Variants in PDE4D observed in about 807,000 individuals in gnomAD.
The protein encoded by PDE4D is phosphodiesterase 4D.
In PDE4D, 24 loss-of-function variants were observed where a neutral mutation model predicts 87.4. That is an observed-to-expected ratio of 0.27 (90% CI 0.20 to 0.39). PDE4D has a LOEUF of 0.39. Among genes scored for constraint, PDE4D ranks in the 10% least tolerant of loss-of-function variants. The pLI is 1.00. For synonymous variants in PDE4D, 384 were observed against 383.2 expected (o/e 1.00, Z -0.02); for missense variants, 714 against 1,041.0 (o/e 0.69, Z 4.32).
At chr5:59,693,236 T>C (rs1450744591) in intron 1 of PDE4D, among the ~76,000 whole-genome samples, 2 of 151,864 alleles carry the variant, frequency 1.3e-5, no homozygotes, top group African/African-American at 4.8e-5. Context: ...CTCTAGTAAT[T>C]CAAGTCCCCT....
intron 1 of PDE4D, among the ~76,000 whole-genome samples, chr5:59,399,152 T>C (rs71626181): frequency 6.7e-5 from 9 of 135,106 alleles, no homozygotes; most frequent in South Asian, 4.9e-4. Flanking sequence ...AATGGCCATA[T>C]TGCCCAAGGT....
At chr5:59,993,272 T>C (rs1165889496) in intron 2 of PDE4D, among the ~76,000 whole-genome samples, 7 of 152,302 alleles carry the variant, frequency 4.6e-5, no homozygotes, top group African/African-American at 9.6e-5. Flanking sequence ...GTTTGAGAAC[T>C]AATGGTTTTG....
Position 59,368,920 on chromosome 5 carries a change from T to A in PDE4D, c.456-152952A>T, listed in dbSNP as rs529920083. Among the ~76,000 whole-genome samples the A allele has an allele frequency of 8.5e-4, 129 of 152,324 alleles. 1 individual carries two copies. Among genetic ancestry groups the A allele is most frequent in the Non-Finnish European group, 1.5e-3 (100 of 68,024 alleles). On this transcript the variant is annotated intron_variant, in intron 1 of 14. Coordinates refer to ENST00000340635, the MANE Select transcript of PDE4D (RefSeq NM_001104631.2). ...AGAATGTGTGGCTTAGCACAAATCA[T>A]AATTAAAAAGCAATGGCAACACCAA...
intron 1 of PDE4D, among the ~76,000 whole-genome samples, chr5:59,250,412 A>T (rs912539208): frequency 2.6e-5 from 4 of 151,240 alleles, no homozygotes; most frequent in Non-Finnish European, 5.9e-5. Context: ...AGTATCGCTT[A>T]AGCATGGGAG....
chr5:59,516,936 TACATAGGCACAC>T (rs6149042), intron 1 of PDE4D, among the ~76,000 whole-genome samples: 31,132 of 151,352 alleles, frequency 0.21, 3,652 homozygotes, highest in African/African-American at 0.34. Context: ...TACATACACA[TACATAGGCACAC>T]ACATAGGCAC....
intron 1 of PDE4D, among the ~76,000 whole-genome samples, chr5:60,462,213 C>T (rs951850759): frequency 1.3e-5 from 2 of 152,122 alleles, no homozygotes; most frequent in African/African-American, 4.8e-5. Context: ...TTTCCTGCCC[C>T]AAGTGGTCCG....
At chr5:59,538,611 T>C (rs374795571) in intron 1 of PDE4D, among the ~76,000 whole-genome samples, 28 of 152,280 alleles carry the variant, frequency 1.8e-4, no homozygotes, top group Admixed American at 7.2e-4. Context: ...GTCTGAATTA[T>C]TGCAGCAATG....
intron 1 of PDE4D, among the ~76,000 whole-genome samples, chr5:60,296,409 C>A (rs531075174): frequency 4.6e-5 from 7 of 152,014 alleles, no homozygotes; most frequent in East Asian, 3.9e-4. Context: ...TCTTGAGGTA[C>A]CTTCTTACCT....
At chr5:59,890,939 A>T (rs1242301123) in intron 1 of PDE4D, among the ~76,000 whole-genome samples, 1 of 152,276 alleles carries the variant, frequency 6.6e-6, no homozygotes, top group Non-Finnish European at 1.5e-5. Flanking sequence ...TGAAACTAAT[A>T]TCCATGTCCT....
intron 1 of PDE4D, among the ~76,000 whole-genome samples, chr5:59,236,051 GT>G (rs1756353099): frequency 6.6e-6 from 1 of 152,140 alleles, no homozygotes; most frequent in Admixed American, 6.5e-5. Flanking sequence ...TCCATGCACA[GT>G]TTTGTTACAT....
Position 59,482,883 on chromosome 5 carries a change from TG to T in PDE4D, c.456-266916del, listed in dbSNP as rs557088256. Among the ~76,000 whole-genome samples, 375 of 152,284 alleles carry T rather than the reference TG, an allele frequency of 2.5e-3. 1 individual carries two copies. The highest frequency in any genetic ancestry group is 8.8e-3 in the African/African-American group (367 of 41,554). On this transcript the variant is annotated intron_variant, in intron 1 of 14. Coordinates refer to ENST00000340635, the MANE Select transcript of PDE4D (RefSeq NM_001104631.2). ...TTATGTGTCAATTTGACTGGGTCAC[TG>T]GGTGCCCAGATATTTAATTAACATC...
In PDE4D at chr5:59,396,650, G is replaced by A. The variant is rs1297323143; in HGVS notation, c.456-180682C>T. On this transcript the variant is annotated intron_variant, in intron 1 of 14. Coordinates refer to ENST00000340635, the MANE Select transcript of PDE4D (RefSeq NM_001104631.2). ...ATCATGCCAAAATGTAAAGACCATCGAGACTAGGAAGAAACTGCATCAACT... is the reference window on the plus strand; with the variant it reads ...ATCATGCCAAAATGTAAAGACCATCAAGACTAGGAAGAAACTGCATCAACT... 2.8e-4 allele frequency among the ~76,000 whole-genome samples: 31 copies of A among 110,834 alleles called. 4 individuals carry two copies. The highest frequency in any genetic ancestry group is 9.7e-4 in the African/African-American group (25 of 25,886). 72.7% of individuals were successfully genotyped at this position (110,834 alleles called of 152,430 possible). A position where few individuals can be genotyped will look rare whatever the true frequency, so the allele number is the denominator to read the frequency against.
At chr5:59,749,636 G>A (rs1295269649) in intron 1 of PDE4D, among the ~76,000 whole-genome samples, 1 of 152,108 alleles carries the variant, frequency 6.6e-6, no homozygotes, top group Non-Finnish European at 1.5e-5. Context: ...TCTCTGCTGA[G>A]TTTTCCTCAT....
intron 1 of PDE4D, among the ~76,000 whole-genome samples, chr5:59,641,290 A>G (rs1741544249): frequency 2.0e-5 from 3 of 152,238 alleles, no homozygotes; most frequent in Admixed American, 6.5e-5. Context: ...TAAACTGCAC[A>G]TATTTTAAAG....
chr5:60,399,036 T>C (rs1763091967), intron 1 of PDE4D, among the ~76,000 whole-genome samples: 1 of 152,204 alleles, frequency 6.6e-6, no homozygotes, highest in African/African-American at 2.4e-5. Flanking sequence ...TGATTATTTA[T>C]AGAGGAGGAA....
In PDE4D at chr5:59,394,456, A is replaced by G. The variant is rs369301278; in HGVS notation, c.456-178488T>C. On this transcript the variant is annotated intron_variant, in intron 1 of 14. Transcript: ENST00000340635. ...GCCTGGTATTTTCTTTTTTTGCCCAATGTGTAAGAAGATAATTAATGTTAC... is the reference window on the plus strand; with the variant it reads ...GCCTGGTATTTTCTTTTTTTGCCCAGTGTGTAAGAAGATAATTAATGTTAC... Among the ~76,000 whole-genome samples the G allele has an allele frequency of 2.6e-5, 4 of 152,152 alleles. No homozygotes were observed. The South Asian group carries it at 6.2e-4, about 24-fold the overall frequency.
chr5:60,037,666 T>G (rs1171248545), intron 2 of PDE4D, among the ~76,000 whole-genome samples: 1 of 152,234 alleles, frequency 6.6e-6, no homozygotes, highest in African/African-American at 2.4e-5. Context: ...ATTAATACAT[T>G]ACCTAAATGA....
intron 1 of PDE4D, among the ~76,000 whole-genome samples, chr5:59,546,042 G>A (rs1817212157): frequency 6.6e-6 from 1 of 152,068 alleles, no homozygotes; most frequent in South Asian, 2.1e-4. Context: ...TGAACAATAA[G>A]CATACAACAG....
chr5:60,303,861 T>C (rs928214534), intron 1 of PDE4D, among the ~76,000 whole-genome samples: 14 of 152,234 alleles, frequency 9.2e-5, no homozygotes, highest in African/African-American at 3.1e-4. Context: ...TAATTTTCTG[T>C]CTCAATGATC....
Sources: gnomAD v4.1 joint callset for allele counts (sites outside exome capture counted in the v4.1 genomes callset) on GRCh38, gnomAD v4.1.1 for gene constraint, MANE v1.5 for transcripts, NCBI Gene and HGNC (gene_info 2026-07-23, HGNC 2026-07-21) for gene names.